Variants in NTNG1 observed in about 807,000 individuals in gnomAD.
NTNG1 encodes the protein netrin G1.
Under a neutral mutation model 54.0 loss-of-function variants are expected in NTNG1, and 16 were observed. That is an observed-to-expected ratio of 0.30 (90% CI 0.20 to 0.45). NTNG1 has a LOEUF of 0.45. Among genes scored for constraint, NTNG1 ranks in the 20% least tolerant of loss-of-function variants. NTNG1 has a pLI of 1.00. For synonymous variants in NTNG1, 255 were observed against 263.1 expected, an observed-to-expected ratio of 0.97 and a Z score of 0.30; for missense variants, 530 against 678.7, an observed-to-expected ratio of 0.78 and a Z score of 2.43.
At chr1:107,269,527 A>G (rs566446499) in intron 2 of NTNG1, among the ~76,000 whole-genome samples, 2 of 152,322 alleles carry the variant, frequency 1.3e-5, no homozygotes, top group South Asian at 4.1e-4. Context: ...TTGTGATAAC[A>G]GGGATTCTAT....
At chr1:107,249,607 C>T (rs1367743728) in intron 2 of NTNG1, among the ~76,000 whole-genome samples, 1 of 152,058 alleles carries the variant, frequency 6.6e-6, no homozygotes, top group Non-Finnish European at 1.5e-5. Context: ...TGAGACTACC[C>T]TAAAAATGGG....
rs533096515 is a variant in NTNG1 at position 107,222,047 on chromosome 1, G to A, written c.246+73208G>A. The stretch of plus-strand genomic sequence containing the variant: ...CCTCTTGTGTCTCAAACCTTCATAC[G>A]TGTTGTTGTGTCTGCTTTGAATCTC... On this transcript the variant is annotated intron_variant, in intron 2 of 7. Coordinates refer to ENST00000370068, the MANE Select transcript of NTNG1 (RefSeq NM_001113226.3). Among the ~76,000 whole-genome samples the A allele has an allele frequency of 2.6e-5, 4 of 151,040 alleles. No individual in the cohort carries two copies. The South Asian group carries it at 6.2e-4, about 24-fold the overall frequency.
At chr1:107,225,341 T>G (rs1660604050) in intron 2 of NTNG1, among the ~76,000 whole-genome samples, 1 of 151,990 alleles carries the variant, frequency 6.6e-6, no homozygotes, top group Non-Finnish European at 1.5e-5. Context: ...AAGCACCTGT[T>G]GATGGGACAA....
rs193204200 is a variant in NTNG1 at position 107,159,325 on chromosome 1, G to T, written c.246+10486G>T. On this transcript the variant is annotated intron_variant, in intron 2 of 7. Transcript: ENST00000370068. Reference sequence around the variant, plus strand: ...GAATCATGTTCTATTTAGCCATCACGGGAGACAGTGCTTTTATAGTGCCGA... The same window carrying T: ...GAATCATGTTCTATTTAGCCATCACTGGAGACAGTGCTTTTATAGTGCCGA... Among the ~76,000 whole-genome samples, 338 of 152,242 alleles carry T rather than the reference G, an allele frequency of 2.2e-3. 4 individuals are homozygous for T. Among genetic ancestry groups the T allele is most frequent in the African/African-American group, 7.8e-3 (325 of 41,550 alleles).
At chr1:107,421,140 A>G (rs1419977291) in intron 5 of NTNG1, 1 of 1,603,252 alleles carries the variant, frequency 6.2e-7, no homozygotes, top group Non-Finnish European at 8.5e-7. Flanking sequence ...AAACCACAAG[A>G]GAGGTAGGAA....
intron 4 of NTNG1, among the ~76,000 whole-genome samples, chr1:107,396,704 T>G (rs938016589): frequency 6.6e-5 from 10 of 152,192 alleles, no homozygotes; most frequent in African/African-American, 2.4e-4. Context: ...TGACCCCAGT[T>G]GTCAAATTTA....
At chr1:107,464,896 C>T (rs1677504093) in intron 7 of NTNG1, among the ~76,000 whole-genome samples, 1 of 152,114 alleles carries the variant, frequency 6.6e-6, no homozygotes, top group Non-Finnish European at 1.5e-5. Flanking sequence ...ACAAGCAGAG[C>T]TGAGATGCCC....
chr1:107,339,836 T>A, intron 3 of NTNG1, among the ~76,000 whole-genome samples: 1 of 152,054 alleles, frequency 6.6e-6, no homozygotes. Flanking sequence ...GTATAATAGT[T>A]CCTGGCAGGG....
At chr1:107,143,480 A>G (rs972632246) in intron 1 of NTNG1, 2 of 152,066 alleles carry the variant, frequency 1.3e-5, no homozygotes, top group African/African-American at 4.8e-5. Context: ...AGTGTCATAA[A>G]AATTTGGAGA....
chr1:107,452,598 T>C (rs548049935), intron 7 of NTNG1, among the ~76,000 whole-genome samples: 21 of 152,262 alleles, frequency 1.4e-4, no homozygotes, highest in Non-Finnish European at 2.4e-4. Context: ...TGAGTCCTCC[T>C]TCTGGTGAGA....
At chr1:107,219,949 A>G (rs4500348) in intron 2 of NTNG1, among the ~76,000 whole-genome samples, 130,737 of 152,096 alleles carry the variant, frequency 0.86, 57,810 homozygotes, top group East Asian at 0.99. Context: ...GGGTGGGGCC[A>G]TAGAGCTCCC....
chr1:107,333,559 G>A (rs17018770), intron 3 of NTNG1, among the ~76,000 whole-genome samples: 3,785 of 151,962 alleles, frequency 0.025, 165 homozygotes, highest in African/African-American at 0.087. Flanking sequence ...ACCCATAAAC[G>A]ACTAGTATTC....
intron 2 of NTNG1, among the ~76,000 whole-genome samples, chr1:107,159,418 G>C (rs1655249328): frequency 6.6e-6 from 1 of 152,136 alleles, no homozygotes; most frequent in South Asian, 2.1e-4. Flanking sequence ...TATTTTTACA[G>C]ATAATACTTG....
At chr1:107,324,070 G>A (rs1667804324) in intron 2 of NTNG1, among the ~76,000 whole-genome samples, 1 of 151,634 alleles carries the variant, frequency 6.6e-6, no homozygotes, top group South Asian at 2.1e-4. Context: ...ATTTCTTAAA[G>A]CACATGGAAG....
chr1:107,308,664 G>T (rs1416744127), intron 2 of NTNG1, among the ~76,000 whole-genome samples: 1 of 152,072 alleles, frequency 6.6e-6, no homozygotes, highest in Non-Finnish European at 1.5e-5. Flanking sequence ...ATGAATTTTA[G>T]AATGTTTTTT....
chr1:107,460,529 G>T (rs150077757), intron 7 of NTNG1: 1 of 446,296 alleles, frequency 2.2e-6, no homozygotes, highest in Admixed American at 2.4e-5. Context: ...GACTTCTTAC[G>T]AATATTTATA....
At chr1:107,355,134 AT>A (rs1243467158) in intron 3 of NTNG1, among the ~76,000 whole-genome samples, 1 of 151,718 alleles carries the variant, frequency 6.6e-6, no homozygotes, top group Non-Finnish European at 1.5e-5. Flanking sequence ...CTTCCTGATC[AT>A]TTTTGATAGT....
chr1:107,325,013 T>G, intron 3 of NTNG1, 91 bp downstream of exon 3: 1 of 1,307,512 alleles, frequency 7.6e-7, no homozygotes, highest in Non-Finnish European at 1.1e-6. Context: ...CATTTGTCAA[T>G]TTCTACTGCA....
chr1:107,260,354 T>C (rs1331321955), intron 2 of NTNG1, among the ~76,000 whole-genome samples: 1 of 152,188 alleles, frequency 6.6e-6, no homozygotes, highest in Non-Finnish European at 1.5e-5. Context: ...CTTTGGGACT[T>C]CTTTTCACAC....
Sources: gnomAD v4.1 joint callset for allele counts (sites outside exome capture counted in the v4.1 genomes callset) on GRCh38, gnomAD v4.1.1 for gene constraint, MANE v1.5 for transcripts, NCBI Gene and HGNC (gene_info 2026-07-23, HGNC 2026-07-21) for gene names.